The following PRLR variants were observed in gnomAD, a reference collection of about 807,000 sequenced individuals.
PRLR encodes the protein prolactin receptor, also known as hPRL receptor.
Under a neutral mutation model 40.2 loss-of-function variants are expected in PRLR, and 13 were observed. That is an observed-to-expected ratio of 0.32 (90% CI 0.21 to 0.51). The LOEUF (loss-of-function observed/expected upper bound fraction) is 0.51. Among genes scored for constraint, PRLR ranks in the 20% least tolerant of loss-of-function variants. The pLI, the probability that PRLR is intolerant of heterozygous loss-of-function variation, is 0.97. For missense variants in PRLR, 656 were observed against 747.3 expected, an observed-to-expected ratio of 0.88 and a Z score of 1.42; for synonymous variants, 269 against 278.7, an observed-to-expected ratio of 0.97 and a Z score of 0.35.
chr5:35,136,182 A>G (rs1773853395), intron 1 of PRLR, among the ~76,000 whole-genome samples: 1 of 152,200 alleles, frequency 6.6e-6, no homozygotes, highest in Non-Finnish European at 1.5e-5. Flanking sequence ...TACATACACA[A>G]TAACAGAATT....
chr5:35,141,400 G>A (rs923025585), intron 1 of PRLR, among the ~76,000 whole-genome samples: 38 of 152,088 alleles, frequency 2.5e-4, no homozygotes, highest in African/African-American at 9.2e-4. Context: ...GACATGGAAG[G>A]GGTTTAAAAG....
intron 1 of PRLR, among the ~76,000 whole-genome samples, chr5:35,187,808 TC>T (rs1373910998): frequency 3.3e-5 from 5 of 152,082 alleles, no homozygotes; most frequent in African/African-American, 1.2e-4. Context: ...CACAGGAGCC[TC>T]CCTGTTTACC....
Position 35,116,129 on chromosome 5 carries a change from G to A in PRLR, c.-44+1932C>T, listed in dbSNP as rs545440430. ...AAAGGGTGGAGGATGATGGAGGCTG[G>A]GTGCAGGGGTCAGGGAAGATCAATC... On this transcript the variant is annotated intron_variant, in intron 2 of 9. Transcript: ENST00000618457. Among the ~76,000 whole-genome samples, 3 of 152,166 alleles carry A rather than the reference G, an allele frequency of 2.0e-5. No homozygotes were observed. The South Asian group carries it at 6.2e-4, about 32-fold the overall frequency.
At chr5:35,185,383 C>T (rs1463812800) in intron 1 of PRLR, among the ~76,000 whole-genome samples, 2 of 152,056 alleles carry the variant, frequency 1.3e-5, no homozygotes, top group Non-Finnish European at 2.9e-5. Flanking sequence ...TTTATTCTCC[C>T]CAAACACCTG....
chr5:35,072,377 C>T (rs1220362519), intron 6 of PRLR, among the ~76,000 whole-genome samples, 198 bp downstream of exon 6: 1 of 152,032 alleles, frequency 6.6e-6, no homozygotes, highest in Non-Finnish European at 1.5e-5. Context: ...AAGAAACTAG[C>T]CCGAGGAGAG....
At chr5:35,072,306 C>T (rs564773879) in intron 6 of PRLR, among the ~76,000 whole-genome samples, 1 of 152,244 alleles carries the variant, frequency 6.6e-6, no homozygotes, top group East Asian at 1.9e-4. Flanking sequence ...TTACAAGGGT[C>T]TAGATCTAAA....
intron 5 of PRLR, among the ~76,000 whole-genome samples, chr5:35,077,843 T>C (rs994962428): frequency 1.3e-5 from 2 of 152,126 alleles, no homozygotes; most frequent in African/African-American, 4.8e-5. Context: ...ACAGAAATTA[T>C]AACAAACTAT....
intron 1 of PRLR, among the ~76,000 whole-genome samples, chr5:35,214,300 G>A (rs1579809590): frequency 6.6e-6 from 1 of 152,140 alleles, no homozygotes; most frequent in African/African-American, 2.4e-5. Context: ...GATAGTATTT[G>A]GCAAGGACAG....
rs1437471181 is a variant in PRLR at position 35,056,196 on chromosome 5, GGGT to G, written c.*8890_*8892del. 2 of 152,156 alleles carry G rather than the reference GGGT, an allele frequency of 1.3e-5. No individual in the cohort carries two copies. The highest frequency in any genetic ancestry group is 2.9e-5 in the Non-Finnish European group (2 of 68,018). The allele number at this position is 152,156 out of a possible 1,614,324, so 9.4% of individuals were successfully genotyped here. A position where few individuals can be genotyped will look rare whatever the true frequency, so the allele number is the denominator to read the frequency against. ...ATTAGCAGGGGCAGCAGGAATTGAG[GGGT>G]GGTGTGGGGGACAGTGGAGGAGATG... On this transcript the variant is annotated 3_prime_UTR_variant, in exon 10 of 10. Coordinates refer to ENST00000618457, the MANE Select transcript of PRLR (RefSeq NM_000949.7).
chr5:35,208,815 CTTAATAA>C (rs1428352154), intron 1 of PRLR, among the ~76,000 whole-genome samples: 1 of 151,508 alleles, frequency 6.6e-6, no homozygotes, highest in Non-Finnish European at 1.5e-5. Context: ...AAATAGAAAT[CTTAATAA>C]TTAACATAAA....
chr5:35,132,403 ATTATT>A (rs1241066113), intron 1 of PRLR, among the ~76,000 whole-genome samples: 4 of 152,262 alleles, frequency 2.6e-5, no homozygotes, highest in South Asian at 2.1e-4. Flanking sequence ...CTGGATATAT[ATTATT>A]TTATTTAAAA....
At chr5:35,197,155 T>C (rs1363099989) in intron 1 of PRLR, among the ~76,000 whole-genome samples, 1 of 152,204 alleles carries the variant, frequency 6.6e-6, no homozygotes, top group Non-Finnish European at 1.5e-5. Context: ...AATTCTATTT[T>C]ATTTTTAAAT....
chr5:35,167,596 T>C (rs1338944688), intron 1 of PRLR, among the ~76,000 whole-genome samples: 1 of 152,052 alleles, frequency 6.6e-6, no homozygotes, highest in Non-Finnish European at 1.5e-5. Context: ...GGGTACATTT[T>C]TTAAACTGAC....
In PRLR at chr5:35,062,535, T is replaced by A. The variant is rs1769105780; in HGVS notation, c.*2554A>T. ...CTTGGCCTAATGAGTGGCTAATTGT[T>A]TTTTAGGGATTTAATTCAAGTCCTT... is the stretch of plus-strand genomic sequence containing the variant. On this transcript the variant is annotated 3_prime_UTR_variant, in exon 10 of 10. Coordinates refer to ENST00000618457, the MANE Select transcript of PRLR (RefSeq NM_000949.7). 3 of 152,130 alleles carry A rather than the reference T, an allele frequency of 2.0e-5. No individual in the cohort carries two copies. In the South Asian group the frequency reaches 6.2e-4, roughly 32 times the overall value. 9.4% of individuals were successfully genotyped at this position (152,130 alleles called of 1,614,324 possible). A position where few individuals can be genotyped will look rare whatever the true frequency, so the allele number is the denominator to read the frequency against.
chr5:35,159,320 G>GAAA (rs34465230), intron 1 of PRLR, among the ~76,000 whole-genome samples: 5 of 137,450 alleles, frequency 3.6e-5, no homozygotes, highest in African/African-American at 1.4e-4. Flanking sequence ...ATCAAGATAG[G>GAAA]AAAAAAAAAA....
At chr5:35,067,312 T>C (rs1268519757) in intron 9 of PRLR, among the ~76,000 whole-genome samples, 1 of 152,254 alleles carries the variant, frequency 6.6e-6, no homozygotes, top group Non-Finnish European at 1.5e-5. Flanking sequence ...TCTCTGTGGC[T>C]AGCAGGTTAA....
chr5:35,132,790 A>G (rs1208419196), intron 1 of PRLR, among the ~76,000 whole-genome samples: 2 of 152,196 alleles, frequency 1.3e-5, no homozygotes, highest in Non-Finnish European at 2.9e-5. Flanking sequence ...CATTTGATAG[A>G]TGAGGATGCT....
intron 2 of PRLR, among the ~76,000 whole-genome samples, chr5:35,104,782 C>T (rs943304890): frequency 1.3e-5 from 2 of 148,588 alleles, no homozygotes; most frequent in Admixed American, 1.3e-4. Flanking sequence ...CTGGATACTC[C>T]ACCACTGGGG....
rs770674406 is a variant in PRLR at position 35,065,143 on chromosome 5, C to G, written c.1815G>C (p.Gln605His). The G allele has an allele frequency of 6.2e-7, 1 of 1,614,192 alleles. No individual in the cohort carries two copies. Among genetic ancestry groups the G allele is most frequent in the South Asian group, 1.1e-5 (1 of 91,080 alleles). Reference sequence around the variant, plus strand: ...GATCCAGGTAATCCAAACCACCCAGCTGGAGCCTGCACTTGCTTGATGTTG... The same window carrying G: ...GATCCAGGTAATCCAAACCACCCAGGTGGAGCCTGCACTTGCTTGATGTTG... ...FTATSSKCRL[Q>H]LGGLDYLDPA... Residue 605 changes from glutamine (Q) to histidine (H), a missense_variant, in exon 10 of 10, where the codon CAG (glutamine) becomes CAC (histidine). By Grantham distance (24) the Gln-to-His change is conservative. Around this residue, in one of 3 missense-constraint regions of PRLR, gnomAD observed 469 missense variants for 491.5 expected, o/e 0.95. Coordinates refer to ENST00000618457, the MANE Select transcript of PRLR (RefSeq NM_000949.7).
Sources: gnomAD v4.1 joint callset for allele counts (sites outside exome capture counted in the v4.1 genomes callset) on GRCh38, gnomAD v4.1.1 for gene constraint, gnomAD v4.1.1 regional missense constraint, MANE v1.5 for transcripts, NCBI Gene and HGNC (gene_info 2026-07-23, HGNC 2026-07-21) for gene names.